Variants in PTPRG observed in about 807,000 individuals in gnomAD.
PTPRG encodes protein tyrosine phosphatase receptor type G, also known as receptor-type tyrosine-protein phosphatase gamma.
Under a neutral mutation model 165.3 loss-of-function variants are expected in PTPRG, and 102 were observed. The observed-to-expected ratio is 0.62, with a 90% confidence interval of 0.53 to 0.73. The LOEUF (loss-of-function observed/expected upper bound fraction) is 0.73. Ranked by LOEUF, PTPRG falls within the 30% of genes least tolerant of loss-of-function variation. The pLI, the probability that PTPRG is intolerant of heterozygous loss-of-function variation, is 0.00. For synonymous variants in PTPRG, 675 were observed against 669.5 expected (o/e 1.01, Z -0.13); for missense variants, 1,866 against 1,861.4 (o/e 1.00, Z -0.05).
At chr3:61,945,029 G>A (rs2039722275) in intron 2 of PTPRG, among the ~76,000 whole-genome samples, 1 of 152,136 alleles carries the variant, frequency 6.6e-6, no homozygotes, top group Non-Finnish European at 1.5e-5. Flanking sequence ...CTGCACAGTG[G>A]GTGTGTTTCT....
intron 2 of PTPRG, among the ~76,000 whole-genome samples, chr3:61,982,733 C>T (rs1170568177): frequency 6.6e-6 from 1 of 152,092 alleles, no homozygotes; most frequent in Non-Finnish European, 1.5e-5. Context: ...TTTTTACCAT[C>T]AGGATTAGAG....
chr3:61,997,244 T>C (rs930507653), intron 3 of PTPRG, among the ~76,000 whole-genome samples: 4 of 152,184 alleles, frequency 2.6e-5, no homozygotes, highest in Non-Finnish European at 4.4e-5. Context: ...ACAGCATTGC[T>C]TTCCTCCCAG....
intron 1 of PTPRG, among the ~76,000 whole-genome samples, chr3:61,599,169 T>A (rs923950420): frequency 6.6e-6 from 1 of 152,186 alleles, no homozygotes; most frequent in African/African-American, 2.4e-5. Context: ...TAACTAATGA[T>A]AGTCTTGCCC....
chr3:61,853,710 A>G (rs2037028081), intron 2 of PTPRG, among the ~76,000 whole-genome samples: 1 of 152,238 alleles, frequency 6.6e-6, no homozygotes, highest in Admixed American at 6.5e-5. Flanking sequence ...GGATTTAGTT[A>G]CACAGCATAT....
At chr3:61,876,410 A>G (rs1466371977) in intron 2 of PTPRG, among the ~76,000 whole-genome samples, 1 of 152,152 alleles carries the variant, frequency 6.6e-6, no homozygotes, top group Non-Finnish European at 1.5e-5. Context: ...TGATGAGTTA[A>G]TTCTGTCACG....
chr3:61,752,901 A>G lies in PTPRG; in HGVS notation c.190+3919A>G, dbSNP rs528641094. On this transcript the variant is annotated intron_variant, in intron 2 of 29. Transcript: ENST00000474889. ...GGTATAACTTTTCACTTCTCATTTT[A>G]AGACTAGCCTACTTTATTTCCACTT... 3.3e-5 allele frequency among the ~76,000 whole-genome samples: 5 copies of G among 151,914 alleles called. No homozygotes were observed. The East Asian group carries it at 9.7e-4, about 29-fold the overall frequency.
chr3:61,726,369 T>C (rs11707030), intron 1 of PTPRG, among the ~76,000 whole-genome samples: 17,080 of 152,124 alleles, frequency 0.11, 1,191 homozygotes, highest in East Asian at 0.21. Flanking sequence ...TGAAAATACA[T>C]AGGATTTGGT....
intron 4 of PTPRG, among the ~76,000 whole-genome samples, chr3:62,072,509 T>C (rs890265235): frequency 3.9e-5 from 6 of 152,066 alleles, no homozygotes; most frequent in Non-Finnish European, 8.8e-5. Flanking sequence ...TTTGAAAAAT[T>C]TGGCAGAACT....
intron 4 of PTPRG, among the ~76,000 whole-genome samples, chr3:62,019,522 CAAAAAAAAAAA>C (rs57682254): frequency 6.1e-4 from 57 of 93,896 alleles, no homozygotes; most frequent in Non-Finnish European, 1.1e-3. Context: ...GACCCCATCT[CAAAAAAAAAAA>C]AAAAAAAAAG....
intron 12 of PTPRG, among the ~76,000 whole-genome samples, chr3:62,207,129 A>G (rs1700251214): frequency 6.6e-6 from 1 of 152,184 alleles, no homozygotes; most frequent in Non-Finnish European, 1.5e-5. Context: ...TAAGGGCCAG[A>G]GAGTAAATGT....
chr3:62,004,996 C>G (rs930218444), intron 4 of PTPRG, among the ~76,000 whole-genome samples: 19 of 152,164 alleles, frequency 1.2e-4, no homozygotes, highest in African/African-American at 3.9e-4. Context: ...ATCCTGGAAG[C>G]TCTGTTGAAG....
At chr3:61,678,055 G>A (rs1703297951) in intron 1 of PTPRG, among the ~76,000 whole-genome samples, 1 of 152,184 alleles carries the variant, frequency 6.6e-6, no homozygotes. Context: ...GGGCAGATGA[G>A]GATGTTTTAT....
At chr3:61,673,178 A>G (rs1030471839) in intron 1 of PTPRG, among the ~76,000 whole-genome samples, 1 of 152,184 alleles carries the variant, frequency 6.6e-6, no homozygotes, top group Non-Finnish European at 1.5e-5. Context: ...AAATGGAAGA[A>G]AAAAGATAAA....
intron 17 of PTPRG, among the ~76,000 whole-genome samples, chr3:62,266,463 G>A (rs963008916): frequency 6.6e-6 from 1 of 152,034 alleles, no homozygotes; most frequent in Non-Finnish European, 1.5e-5. Context: ...AAGGCATAAC[G>A]GTTTGGATCC....
chr3:61,977,524 T>C (rs2040538117), intron 2 of PTPRG, among the ~76,000 whole-genome samples: 1 of 152,222 alleles, frequency 6.6e-6, no homozygotes, highest in Non-Finnish European at 1.5e-5. Flanking sequence ...ATACCGTTAC[T>C]GGTTTTGATT....
At chr3:61,680,509 A>C (rs907399993) in intron 1 of PTPRG, among the ~76,000 whole-genome samples, 1 of 146,904 alleles carries the variant, frequency 6.8e-6, no homozygotes, top group African/African-American at 2.5e-5. Flanking sequence ...ATGAAAAAAA[A>C]AAAAAAAAAC....
At chr3:61,956,441 C>G (rs1559712326) in intron 2 of PTPRG, among the ~76,000 whole-genome samples, 1 of 152,066 alleles carries the variant, frequency 6.6e-6, no homozygotes, top group Non-Finnish European at 1.5e-5. Context: ...TATTCTTGCC[C>G]CTCAGCCTCA....
chr3:62,163,039 G>A (rs1303347892), intron 7 of PTPRG, among the ~76,000 whole-genome samples: 1 of 152,152 alleles, frequency 6.6e-6, no homozygotes, highest in East Asian at 1.9e-4. Context: ...TTACATGGCT[G>A]GAGAAGGAAG....
chr3:61,686,809 A>G (rs1225172731), intron 1 of PTPRG, among the ~76,000 whole-genome samples: 1 of 152,154 alleles, frequency 6.6e-6, no homozygotes, highest in Admixed American at 6.5e-5. Context: ...CAGGTGGGGG[A>G]AAAGCAGGGC....
Sources: allele counts gnomAD v4.1 joint callset (sites outside exome capture counted in the v4.1 genomes callset), GRCh38; gene constraint gnomAD v4.1.1; transcripts MANE v1.5; gene names NCBI Gene and HGNC (gene_info 2026-07-23, HGNC 2026-07-21).